PTPRT: variants seen among roughly 807,000 people sequenced by gnomAD.
PTPRT encodes protein tyrosine phosphatase receptor type T.
PTPRT carries 56 observed loss-of-function variants against 176.8 expected under a neutral mutation model. The observed-to-expected ratio is 0.32, with a 90% CI of 0.26 to 0.40. The LOEUF (loss-of-function observed/expected upper bound fraction) is 0.40. Ranked by LOEUF, PTPRT falls within the 10% of genes least tolerant of loss-of-function variation. PTPRT has a pLI of 1.00. For synonymous variants in PTPRT, 783 were observed against 739.0 expected, an observed-to-expected ratio of 1.06 and a Z score of -0.96; for missense variants, 1,540 against 1,908.2, an observed-to-expected ratio of 0.81 and a Z score of 3.60.
intron 1 of PTPRT, among the ~76,000 whole-genome samples, chr20:42,923,065 G>T (rs1472317658): frequency 6.6e-6 from 1 of 152,068 alleles, no homozygotes; most frequent in African/African-American, 2.4e-5. Context: ...ATTTAGGGAG[G>T]CCCTTCAGCA....
At chr20:42,330,538 T>G (rs1428289305) in intron 11 of PTPRT, among the ~76,000 whole-genome samples, 4 of 152,028 alleles carry the variant, frequency 2.6e-5, no homozygotes, top group Non-Finnish European at 5.9e-5. Flanking sequence ...TATTAGCTTA[T>G]GTTAATAACT....
chr20:42,332,806 T>C (rs1490982698), intron 11 of PTPRT, among the ~76,000 whole-genome samples: 1 of 152,226 alleles, frequency 6.6e-6, no homozygotes, highest in Non-Finnish European at 1.5e-5. Context: ...AAAATTTTAA[T>C]GATGAAATTG....
intron 4 of PTPRT, among the ~76,000 whole-genome samples, chr20:42,776,445 C>T (rs943103996): frequency 1.3e-5 from 2 of 152,008 alleles, no homozygotes; most frequent in Non-Finnish European, 2.9e-5. Flanking sequence ...TTGAATGCAC[C>T]GGGAGACACC....
At chr20:42,694,783 C>T (rs2146133759) in intron 6 of PTPRT, among the ~76,000 whole-genome samples, 1 of 73,002 alleles carries the variant, frequency 1.4e-5, no homozygotes, top group South Asian at 7.4e-4. Flanking sequence ...TAGCATGGAA[C>T]ATCTTTTCAA....
At chr20:42,859,632 G>T (rs2078625978) in intron 2 of PTPRT, among the ~76,000 whole-genome samples, 1 of 141,174 alleles carries the variant, frequency 7.1e-6, no homozygotes, top group South Asian at 2.2e-4. Flanking sequence ...CACCCAGGCT[G>T]GAGTGCAGTG....
intron 1 of PTPRT, among the ~76,000 whole-genome samples, chr20:43,155,936 G>A (rs1297531632): frequency 6.6e-6 from 1 of 152,158 alleles, no homozygotes; most frequent in Non-Finnish European, 1.5e-5. Context: ...GAGCCAAGTC[G>A]CTTGTTCAGT....
At chr20:42,152,777 G>C (rs1048684347) in intron 17 of PTPRT, among the ~76,000 whole-genome samples, 7 of 152,152 alleles carry the variant, frequency 4.6e-5, no homozygotes, top group Non-Finnish European at 8.8e-5. Flanking sequence ...CTCTAAACTT[G>C]CAGCCAGCTA....
intron 9 of PTPRT, among the ~76,000 whole-genome samples, chr20:42,425,720 C>T (rs892003789): frequency 6.6e-6 from 1 of 152,118 alleles, no homozygotes; most frequent in African/African-American, 2.4e-5. Context: ...GTTGCACACC[C>T]TAAACAGATA....
chr20:42,410,886 C>T (rs1340369714), intron 9 of PTPRT, among the ~76,000 whole-genome samples: 1 of 152,168 alleles, frequency 6.6e-6, no homozygotes, highest in Non-Finnish European at 1.5e-5. Flanking sequence ...AACTAAAACG[C>T]ATCATGTCAA....
chr20:42,326,965 A>C (rs1232474846), intron 11 of PTPRT, among the ~76,000 whole-genome samples: 1 of 149,004 alleles, frequency 6.7e-6, no homozygotes, highest in Non-Finnish European at 1.5e-5. Flanking sequence ...AAAAAAAAAA[A>C]CAACAAAGGA....
intron 1 of PTPRT, among the ~76,000 whole-genome samples, chr20:43,071,722 T>C (rs1268760433): frequency 6.6e-6 from 1 of 152,150 alleles, no homozygotes; most frequent in African/African-American, 2.4e-5. Flanking sequence ...GAGGTGGAGA[T>C]TGCAGTGAGC....
chr20:42,067,863 T>C (rs1158895574), downstream of PTPRT, among the ~76,000 whole-genome samples: 1 of 152,210 alleles, frequency 6.6e-6, no homozygotes, highest in Non-Finnish European at 1.5e-5. Flanking sequence ...TCCCAGCTAG[T>C]GTTCCCCTGA....
intron 1 of PTPRT, among the ~76,000 whole-genome samples, chr20:43,129,364 C>G (rs1308312251): frequency 1.3e-5 from 2 of 152,204 alleles, no homozygotes; most frequent in East Asian, 3.9e-4. Flanking sequence ...CCCCTCTCCC[C>G]ACATTTAGCT....
At chr20:42,164,519 A>G (rs1989744281) in intron 16 of PTPRT, among the ~76,000 whole-genome samples, 2 of 152,236 alleles carry the variant, frequency 1.3e-5, no homozygotes, top group East Asian at 1.9e-4. Flanking sequence ...TATTAATCCA[A>G]CGGGTTAGAC....
At chr20:42,813,216 C>T (rs78347812) in intron 2 of PTPRT, among the ~76,000 whole-genome samples, 14,019 of 152,136 alleles carry the variant, frequency 0.092, 939 homozygotes, top group Non-Finnish European at 0.14. Flanking sequence ...CCATTTATTC[C>T]ATTATCCTGA....
chr20:43,018,599 CT>C (rs1985489147), intron 1 of PTPRT, among the ~76,000 whole-genome samples: 1 of 152,090 alleles, frequency 6.6e-6, no homozygotes, highest in African/African-American at 2.4e-5. Flanking sequence ...AATCTTCAGT[CT>C]ATATGATAAA....
intron 1 of PTPRT, among the ~76,000 whole-genome samples, chr20:43,010,772 C>A (rs1254723231): frequency 6.6e-6 from 1 of 151,784 alleles, no homozygotes; most frequent in African/African-American, 2.4e-5. Context: ...AGATTAATGC[C>A]CCCACTAACC....
intron 15 of PTPRT, among the ~76,000 whole-genome samples, chr20:42,208,562 G>A (rs959934128): frequency 2.0e-5 from 3 of 151,924 alleles, no homozygotes; most frequent in Non-Finnish European, 4.4e-5. Flanking sequence ...ATTACATAAT[G>A]GTAAAGGGAT....
intron 1 of PTPRT, among the ~76,000 whole-genome samples, chr20:43,166,624 T>C (rs576789960): frequency 6.4e-4 from 97 of 152,308 alleles, no homozygotes; most frequent in African/African-American, 2.2e-3. Flanking sequence ...TTGCCTCAAA[T>C]GTATTACCAT....
Sources: allele counts gnomAD v4.1 joint callset (sites outside exome capture counted in the v4.1 genomes callset), GRCh38; gene constraint gnomAD v4.1.1; transcripts MANE v1.5; gene names NCBI Gene and HGNC (gene_info 2026-07-23, HGNC 2026-07-21).